NPAS3: variants seen among roughly 807,000 people sequenced by gnomAD.
NPAS3 encodes the protein neuronal PAS domain protein 3, also known as neuronal PAS domain-containing protein 3.
NPAS3 carries 14 observed loss-of-function variants against 73.1 expected under a neutral mutation model. The ratio of observed to expected loss-of-function variants is 0.19; its 90% confidence interval spans 0.13 to 0.30. The LOEUF (loss-of-function observed/expected upper bound fraction) is 0.30, where lower values mean the gene tolerates loss of function less well. Among genes scored for constraint, NPAS3 ranks in the 10% least tolerant of loss-of-function variants. NPAS3 has a pLI of 1.00. For synonymous variants in NPAS3, 620 were observed against 541.5 expected, an observed-to-expected ratio of 1.14 and a Z score of -2.01; for missense variants, 1,096 against 1,250.0, an observed-to-expected ratio of 0.88 and a Z score of 1.86.
intron 4 of NPAS3, among the ~76,000 whole-genome samples, chr14:33,411,156 C>T (rs910192398): frequency 1.3e-5 from 2 of 152,108 alleles, no homozygotes; most frequent in East Asian, 1.9e-4. Flanking sequence ...CTCCAGGAGA[C>T]ATTTGGCAAT....
At chr14:33,693,378 G>A (rs2060286725) in intron 6 of NPAS3, among the ~76,000 whole-genome samples, 1 of 152,132 alleles carries the variant, frequency 6.6e-6, no homozygotes, top group East Asian at 1.9e-4. Context: ...CTGTTTTCCT[G>A]GACTGAGTTT....
chr14:33,599,478 C>T (rs2057339103), intron 5 of NPAS3, among the ~76,000 whole-genome samples: 1 of 152,000 alleles, frequency 6.6e-6, no homozygotes, highest in Non-Finnish European at 1.5e-5. Context: ...GGTTAAGGTC[C>T]CCTGTGCACC....
At chr14:33,457,579 G>C (rs1267123349) in intron 4 of NPAS3, among the ~76,000 whole-genome samples, 1 of 152,172 alleles carries the variant, frequency 6.6e-6, no homozygotes, top group East Asian at 1.9e-4. Flanking sequence ...ATGCATTTGA[G>C]GACCTTAATT....
chr14:32,940,004 T>C (rs1051934619), intron 1 of NPAS3, among the ~76,000 whole-genome samples: 10 of 152,298 alleles, frequency 6.6e-5, no homozygotes, highest in East Asian at 1.9e-4. Context: ...GCTCGGCAAC[T>C]TGTGGGTCTC....
intron 2 of NPAS3, among the ~76,000 whole-genome samples, chr14:33,187,092 C>G (rs2046003684): frequency 6.6e-6 from 1 of 152,194 alleles, no homozygotes; most frequent in Non-Finnish European, 1.5e-5. Flanking sequence ...TCTTCCTCCA[C>G]CTAGTACTTA....
chr14:33,623,478 C>T (rs192307400), intron 5 of NPAS3, among the ~76,000 whole-genome samples: 49 of 152,346 alleles, frequency 3.2e-4, no homozygotes, highest in Admixed American at 1.3e-3. Context: ...CAGCCCTTCA[C>T]GGCTACCACT....
chr14:33,453,972 G>A (rs535612718), intron 4 of NPAS3, among the ~76,000 whole-genome samples: 1 of 152,184 alleles, frequency 6.6e-6, no homozygotes, highest in Admixed American at 6.5e-5. Context: ...ACACAGGCGT[G>A]AGCCACCATG....
chr14:33,070,140 T>C (rs1356956145), intron 2 of NPAS3, among the ~76,000 whole-genome samples: 1 of 152,248 alleles, frequency 6.6e-6, no homozygotes, highest in Non-Finnish European at 1.5e-5. Flanking sequence ...TGACTCCTAG[T>C]ACATAAAAGC....
At chr14:33,435,799 A>G (rs1566900885) in intron 4 of NPAS3, among the ~76,000 whole-genome samples, 2 of 152,136 alleles carry the variant, frequency 1.3e-5, no homozygotes, top group Admixed American at 6.5e-5. Context: ...TATAATGGCT[A>G]ATGAGTATGA....
intron 5 of NPAS3, among the ~76,000 whole-genome samples, chr14:33,607,312 T>C (rs1300216157): frequency 1.3e-5 from 2 of 151,550 alleles, no homozygotes; most frequent in African/African-American, 4.9e-5. Context: ...CAAAATAGGA[T>C]ACTACTACTC....
chr14:33,800,170 G>A lies in NPAS3; in HGVS notation c.1863G>A (p.Ser621=), dbSNP rs1336847316. The A allele has an allele frequency of 3.7e-6, 6 of 1,607,806 alleles. No individual in the cohort carries two copies. Among genetic ancestry groups the A allele is most frequent in the Admixed American group, 3.4e-5 (2 of 59,408 alleles). The stretch of plus-strand genomic sequence containing the variant: ...GCCGCCGGCGCCTGTCCAGCGCGTC[G>A]AGCCCAGGCGGCCTGGACGCGGGCC... The change falls in exon 12 of 12, where the codon TCG becomes TCA. Residue 621 remains serine, a synonymous_variant. Transcript: ENST00000356141. This position sits in a 1 kb window ranked among gnomAD's most constrained non-coding sequence, Gnocchi z 6.5.
Position 33,588,588 on chromosome 14 carries a change from C to A in NPAS3, c.558+28378C>A, listed in dbSNP as rs997689943. 3.9e-5 allele frequency among the ~76,000 whole-genome samples: 6 copies of A among 152,250 alleles called. No homozygotes were observed. The South Asian group carries it at 1.2e-3, about 32-fold the overall frequency. ...GGTTTTCTGAAAGCTATGAAAGATTCTTCCTAATTCAGTTTTATCATAAAA... is the reference window on the plus strand; with the variant it reads ...GGTTTTCTGAAAGCTATGAAAGATTATTCCTAATTCAGTTTTATCATAAAA... On this transcript the variant is annotated intron_variant, in intron 5 of 11. Transcript: ENST00000356141.
chr14:33,675,315 A>G (rs1028743595), intron 5 of NPAS3, among the ~76,000 whole-genome samples: 6 of 152,192 alleles, frequency 3.9e-5, no homozygotes, highest in Non-Finnish European at 7.3e-5. Context: ...CCTTACCAGC[A>G]ACTTCTGCCC....
At chr14:33,287,689 T>C (rs2041933876) in intron 3 of NPAS3, among the ~76,000 whole-genome samples, 2 of 152,206 alleles carry the variant, frequency 1.3e-5, no homozygotes, top group Non-Finnish European at 2.9e-5. Flanking sequence ...AGAATACCCT[T>C]AATCTGGTTT....
In NPAS3 at chr14:33,800,615, G is replaced by A; in HGVS notation, c.2308G>A (p.Gly770Ser). ...GAACGGCGGCGGGGGCGGGGGCGGG[G>A]GCGGCGGCGCGGGGGGCGGCGGCCC... The change falls in exon 12 of 12, where the codon GGC becomes AGC. Residue 770 changes from glycine to serine, a missense_variant. Physicochemically the swap from Gly to Ser is moderately conservative, Grantham distance 56. Around this residue, in one of 5 missense-constraint regions of NPAS3, gnomAD observed 698 missense variants for 676.7 expected, o/e 1.03. Coordinates refer to ENST00000356141, the Ensembl canonical transcript of NPAS3. This position sits in a 1 kb window ranked among gnomAD's most constrained non-coding sequence, Gnocchi z 6.5. The A allele has an allele frequency of 1.0e-5, 14 of 1,346,334 alleles. No individual in the cohort carries two copies. The highest frequency in any genetic ancestry group is 1.3e-5 in the Non-Finnish European group (14 of 1,056,650). The allele number at this position is 1,346,334 out of a possible 1,614,324, so 83.4% of individuals were successfully genotyped here.
chr14:33,697,089 G>A (rs2060404017), intron 6 of NPAS3, among the ~76,000 whole-genome samples: 1 of 152,194 alleles, frequency 6.6e-6, no homozygotes, highest in East Asian at 1.9e-4. Context: ...ACTGCTGCCT[G>A]TTGGCCTATT....
In NPAS3 at chr14:33,371,013, A is replaced by G. The variant is rs549458444; in HGVS notation, c.468+3745A>G. Among the ~76,000 whole-genome samples, 17 of 152,302 alleles carry G rather than the reference A, an allele frequency of 1.1e-4. No individual in the cohort carries two copies. The South Asian group carries it at 2.3e-3, about 20-fold the overall frequency. ...GGTGTATAGATGAATGATAGTTCAA[A>G]TTAAGAATGGGTTACAGCCCTATGG... On this transcript the variant is annotated intron_variant, in intron 4 of 11. Coordinates refer to ENST00000356141, the Ensembl canonical transcript of NPAS3.
intron 2 of NPAS3, among the ~76,000 whole-genome samples, chr14:33,116,259 C>T (rs184967593): frequency 6.6e-6 from 1 of 152,238 alleles, no homozygotes; most frequent in African/African-American, 2.4e-5. Flanking sequence ...AAACAGTAAA[C>T]ATGCTACTTT....
chr14:33,625,110 T>C (rs1344192845), intron 5 of NPAS3, among the ~76,000 whole-genome samples: 1 of 152,228 alleles, frequency 6.6e-6, no homozygotes, highest in African/African-American at 2.4e-5. Context: ...AGTGTTTGTG[T>C]TATAATCTTG....
Sources: allele counts gnomAD v4.1 joint callset (sites outside exome capture counted in the v4.1 genomes callset), GRCh38; gene constraint gnomAD v4.1.1; regional missense constraint gnomAD v4.1.1; non-coding constraint Gnocchi (gnomAD v3.1); transcripts MANE v1.5; gene names NCBI Gene and HGNC (gene_info 2026-07-23, HGNC 2026-07-21).